The following GPHN variants were observed in gnomAD, a reference collection of about 807,000 sequenced individuals.
The protein encoded by GPHN is gephyrin.
A neutral mutation model predicts 95.5 loss-of-function variants in GPHN; 17 were observed. That is an observed-to-expected ratio of 0.18 (90% CI 0.12 to 0.27). The LOEUF is 0.27. Ranked by LOEUF, GPHN falls within the 10% of genes least tolerant of loss-of-function variation. The probability of loss-of-function intolerance (pLI) is 1.00; values close to 1 mark genes in which losing one functional copy is unlikely to be tolerated. For synonymous variants in GPHN, 320 were observed against 322.5 expected (o/e 0.99, Z 0.08); for missense variants, 660 against 978.1 (o/e 0.67, Z 4.34).
chr14:67,173,876 G>C (rs886987828), intron 21 of GPHN, among the ~76,000 whole-genome samples: 24 of 151,298 alleles, frequency 1.6e-4, no homozygotes, highest in Non-Finnish European at 3.3e-4. Context: ...AAAAAAAACA[G>C]AAATCCTACA....
the GPHN span, among the ~76,000 whole-genome samples, chr14:67,351,862 A>G: frequency 1.4e-5 from 2 of 147,398 alleles, no homozygotes; most frequent in Non-Finnish European, 1.5e-5. Flanking sequence ...CGTGGAAAAA[A>G]TATTTTTAAC....
chr14:67,131,043 C>A (rs1357627892), intron 17 of GPHN, among the ~76,000 whole-genome samples: 1 of 152,040 alleles, frequency 6.6e-6, no homozygotes, highest in African/African-American at 2.4e-5. Flanking sequence ...CTCCTTTAGT[C>A]CTCCTAGACA....
chr14:67,346,309 T>C, the GPHN span, among the ~76,000 whole-genome samples: 1 of 152,150 alleles, frequency 6.6e-6, no homozygotes, highest in African/African-American at 2.4e-5. Context: ...AGAAAGAATA[T>C]TATTTGTTTA....
At chr14:66,547,005 G>A (rs1452955418) in intron 1 of GPHN, among the ~76,000 whole-genome samples, 1 of 152,140 alleles carries the variant, frequency 6.6e-6, no homozygotes, top group Non-Finnish European at 1.5e-5. Flanking sequence ...ATATCTGGAA[G>A]TGTACAGAGT....
chr14:67,522,927 G>T, the GPHN span, among the ~76,000 whole-genome samples: 1 of 152,230 alleles, frequency 6.6e-6, no homozygotes, highest in Admixed American at 6.5e-5. Flanking sequence ...CTTGTCCGGG[G>T]AATTAGTTCA....
chr14:67,650,686 T>C, the GPHN span: 6 of 1,608,362 alleles, frequency 3.7e-6, no homozygotes, highest in South Asian at 5.5e-5. Flanking sequence ...CAAGGGAACC[T>C]GAGGTTTTGT....
At chr14:66,694,109 C>T (rs372578739) in intron 2 of GPHN, among the ~76,000 whole-genome samples, 184 of 152,074 alleles carry the variant, frequency 1.2e-3, no homozygotes, top group African/African-American at 4.1e-3. Context: ...GAAGCTTAAC[C>T]CCCGATGTGA....
chr14:66,809,067 T>C (rs1024746645), intron 3 of GPHN, among the ~76,000 whole-genome samples: 8 of 152,186 alleles, frequency 5.3e-5, no homozygotes, highest in Non-Finnish European at 1.2e-4. Flanking sequence ...AAAGGAGCTG[T>C]ATGTTTTGGT....
chr14:67,465,048 G>T, the GPHN span, among the ~76,000 whole-genome samples: 1 of 152,224 alleles, frequency 6.6e-6, no homozygotes, highest in South Asian at 2.1e-4. Context: ...CACAGGCCTA[G>T]CGCAGGGAGG....
chr14:67,427,407 C>G, the GPHN span, among the ~76,000 whole-genome samples: 1 of 152,182 alleles, frequency 6.6e-6, no homozygotes, highest in African/African-American at 2.4e-5. Flanking sequence ...CTGGCTGTGG[C>G]CGTGGAAATG....
At position 66,872,027 on chromosome 14, in the gene GPHN, C is replaced by G. The variant is rs145657109; in HGVS notation, c.295-7912C>G. Among the ~76,000 whole-genome samples the G allele has an allele frequency of 3.3e-5, 5 of 152,276 alleles. No individual in the cohort carries two copies. In the East Asian group the frequency reaches 9.6e-4, roughly 29 times the overall value. ...TTGTTAGTTTTTCTTTAAAATGTCT[C>G]CCATTGTTAAATATCCTGTTATGCT... is the stretch of plus-strand genomic sequence containing the variant. On this transcript the variant is annotated intron_variant, in intron 4 of 22. Transcript: ENST00000478722.
At chr14:67,268,899 C>A in the GPHN span, among the ~76,000 whole-genome samples, 1 of 152,136 alleles carries the variant, frequency 6.6e-6, no homozygotes, top group African/African-American at 2.4e-5. Context: ...GGTTCAAACC[C>A]CTCTGACACA....
the GPHN span, chr14:67,685,175 G>C: frequency 3.1e-6 from 5 of 1,613,934 alleles, no homozygotes; most frequent in South Asian, 2.2e-5. Flanking sequence ...ACTGTGCCAG[G>C]GTGTACAGAA....
chr14:67,617,401 A>G, the GPHN span: 1 of 152,212 alleles, frequency 6.6e-6, no homozygotes, highest in African/African-American at 2.4e-5. Flanking sequence ...GTAACTCACT[A>G]CGTTCGGACC....
the GPHN span, chr14:67,573,751 C>T: frequency 2.1e-5 from 25 of 1,215,758 alleles, no homozygotes; most frequent in African/African-American, 2.2e-4. This position sits in a 1 kb window ranked among gnomAD's most constrained non-coding sequence, Gnocchi z 4.8. Flanking sequence ...TGAGGTGCTC[C>T]GGAAAGGCTC....
At chr14:67,555,164 C>T in the GPHN span, among the ~76,000 whole-genome samples, 68 of 152,318 alleles carry the variant, frequency 4.5e-4, no homozygotes, top group Middle Eastern at 6.8e-3. Flanking sequence ...GTGATCTTCC[C>T]GCCTTAGGCT....
At chr14:66,603,661 ATACTT>A (rs1459152978) in intron 1 of GPHN, among the ~76,000 whole-genome samples, 4 of 151,958 alleles carry the variant, frequency 2.6e-5, no homozygotes, top group African/African-American at 4.8e-5. Context: ...CCTTGCAACT[ATACTT>A]CTGTTTTATC....
At chr14:67,360,378 G>C in the GPHN span, 1 of 396,666 alleles carries the variant, frequency 2.5e-6, no homozygotes, top group Non-Finnish European at 4.4e-6. Context: ...GGCGGCCGGT[G>C]AGGGGGAAGC....
the GPHN span, among the ~76,000 whole-genome samples, chr14:67,410,966 C>T: frequency 5.9e-5 from 9 of 151,824 alleles, no homozygotes; most frequent in East Asian, 1.9e-4. Context: ...GGAAACATGG[C>T]GAAACCCTGT....
Sources: allele counts gnomAD v4.1 joint callset (sites outside exome capture counted in the v4.1 genomes callset), GRCh38; gene constraint gnomAD v4.1.1; non-coding constraint Gnocchi (gnomAD v3.1); transcripts MANE v1.5; gene names NCBI Gene and HGNC (gene_info 2026-07-23, HGNC 2026-07-21).